The following SFXN1 variants were observed in gnomAD, a reference collection of about 807,000 sequenced individuals.
SFXN1 encodes sideroflexin 1, also known as sideroflexin-1.
SFXN1 carries 32 observed loss-of-function variants against 39.5 expected under a neutral mutation model. That is an observed-to-expected ratio of 0.81 (90% confidence interval 0.61 to 1.09). The LOEUF (loss-of-function observed/expected upper bound fraction) is 1.09. Ranked by LOEUF, SFXN1 falls within the 50% of genes least tolerant of loss-of-function variation. SFXN1 has a pLI of 0.00. For synonymous variants in SFXN1, 136 were observed against 146.5 expected (o/e 0.93, Z 0.52); for missense variants, 402 against 407.1 (o/e 0.99, Z 0.11).
intron 2 of SFXN1, among the ~76,000 whole-genome samples, chr5:175,492,856 G>A (rs546268246): frequency 5.9e-5 from 9 of 152,262 alleles, no homozygotes; most frequent in African/African-American, 2.2e-4. Context: ...CACTTTTTCT[G>A]TAAAAGATCA....
intron 1 of SFXN1, among the ~76,000 whole-genome samples, chr5:175,485,506 GC>G (rs2113261014): frequency 6.6e-6 from 1 of 152,274 alleles, no homozygotes; most frequent in African/African-American, 2.4e-5. Flanking sequence ...CTTATAGGGA[GC>G]CTTGTGATGA....
chr5:175,528,204 C>T lies in SFXN1; in HGVS notation c.*1470C>T, dbSNP rs560486726. ...GATTACAAGCGTGAGCCACCGCACCCGGCCTGAAAATATTTTCTAAAAAGA... is the reference window on the plus strand; with the variant it reads ...GATTACAAGCGTGAGCCACCGCACCTGGCCTGAAAATATTTTCTAAAAAGA... On this transcript the variant is annotated 3_prime_UTR_variant, in exon 11 of 11. Transcript: ENST00000321442. 2 of 151,960 alleles carry T rather than the reference C, an allele frequency of 1.3e-5. No individual in the cohort carries two copies. Among genetic ancestry groups the T allele is most frequent in the Non-Finnish European group, 1.5e-5 (1 of 68,000 alleles). 9.4% of individuals were successfully genotyped at this position (151,960 alleles called of 1,614,324 possible).
chr5:175,529,518 TAC>T lies in SFXN1; in HGVS notation c.*2785_*2786del. ...GCAATCCTTGCCGATCTTTTAGAAA[TAC>T]CTTTTCTGGAGAAAAAAAAATCCAC... On this transcript the variant is annotated 3_prime_UTR_variant, in exon 11 of 11. Coordinates refer to ENST00000321442, the MANE Select transcript of SFXN1 (RefSeq NM_022754.7). The T allele has an allele frequency of 6.7e-6, 1 of 148,250 alleles. No individual in the cohort carries two copies. The highest frequency in any genetic ancestry group is 1.5e-5 in the Non-Finnish European group (1 of 66,602). 9.2% of individuals were successfully genotyped at this position (148,250 alleles called of 1,614,324 possible). A position where few individuals can be genotyped will look rare whatever the true frequency, so the allele number is the denominator to read the frequency against.
At chr5:175,497,530 TA>T (rs1396329998) in intron 2 of SFXN1, among the ~76,000 whole-genome samples, 38 of 152,294 alleles carry the variant, frequency 2.5e-4, no homozygotes, top group African/African-American at 8.7e-4. Flanking sequence ...TTGATATTGA[TA>T]AAGATATAGT....
intron 2 of SFXN1, among the ~76,000 whole-genome samples, chr5:175,502,422 A>G (rs903030780): frequency 1.3e-5 from 2 of 152,242 alleles, no homozygotes; most frequent in Admixed American, 1.3e-4. Flanking sequence ...CCAGGAATGA[A>G]AAAGGACAGC....
intron 2 of SFXN1, among the ~76,000 whole-genome samples, chr5:175,498,676 C>A (rs1463921924): frequency 1.3e-5 from 2 of 151,986 alleles, no homozygotes; most frequent in African/African-American, 4.8e-5. Flanking sequence ...AAGAAAGCTA[C>A]CTAACAGAGA....
chr5:175,521,561 G>A (rs987234133), intron 8 of SFXN1, among the ~76,000 whole-genome samples: 3 of 152,206 alleles, frequency 2.0e-5, no homozygotes, highest in Non-Finnish European at 2.9e-5. Context: ...ACCAGAAGGC[G>A]GGAGACTTGA....
intron 1 of SFXN1, among the ~76,000 whole-genome samples, chr5:175,483,121 C>T (rs1255426671): frequency 6.6e-6 from 1 of 152,176 alleles, no homozygotes. Flanking sequence ...TGAATTTAAA[C>T]AGTTTTTAAT....
intron 2 of SFXN1, among the ~76,000 whole-genome samples, chr5:175,506,286 G>A (rs547183519): frequency 6.6e-6 from 1 of 152,090 alleles, no homozygotes; most frequent in Non-Finnish European, 1.5e-5. Context: ...CAGGACAGCA[G>A]ATAACACAAC....
At chr5:175,485,267 A>G (rs185550760) in intron 1 of SFXN1, among the ~76,000 whole-genome samples, 56 of 152,350 alleles carry the variant, frequency 3.7e-4, no homozygotes, top group African/African-American at 1.3e-3. Flanking sequence ...GTTATAACAA[A>G]TTACTACATA....
rs1761137782 is a variant in SFXN1, at chr5:175,528,369, C to G, written c.*1635C>G. The G allele has an allele frequency of 6.6e-6, 1 of 151,882 alleles. No individual in the cohort carries two copies. The highest frequency in any genetic ancestry group is 2.4e-5 in the African/African-American group (1 of 41,284). 9.4% of individuals were successfully genotyped at this position (151,882 alleles called of 1,614,324 possible). A position where few individuals can be genotyped will look rare whatever the true frequency, so the allele number is the denominator to read the frequency against. ...TTAGCAAGTATACAGGAGGATGTGC[C>G]TAGGTTATATGCAAATACTGTGCCA... On this transcript the variant is annotated 3_prime_UTR_variant, in exon 11 of 11. Coordinates refer to ENST00000321442, the MANE Select transcript of SFXN1 (RefSeq NM_022754.7).
intron 1 of SFXN1, among the ~76,000 whole-genome samples, chr5:175,489,291 G>A (rs942855160): frequency 2.0e-5 from 3 of 152,168 alleles, no homozygotes; most frequent in Non-Finnish European, 2.9e-5. Flanking sequence ...GTATGATTAC[G>A]TGTGACTTCT....
rs1414665323 is a variant in SFXN1, at chr5:175,527,948, C to G, written c.*1214C>G. On this transcript the variant is annotated 3_prime_UTR_variant, in exon 11 of 11. Coordinates refer to ENST00000321442, the MANE Select transcript of SFXN1 (RefSeq NM_022754.7). ...TTTTTTTTTTTTTTTGAGACGGAGTCTCGCTCTGTCACCCAGGCTGGAGTG... is the reference window on the plus strand; with the variant it reads ...TTTTTTTTTTTTTTTGAGACGGAGTGTCGCTCTGTCACCCAGGCTGGAGTG... 7.9e-6 allele frequency: 1 copy of G among 127,132 alleles called. No individual in the cohort carries two copies. The highest frequency in any genetic ancestry group is 1.5e-5 in the Non-Finnish European group (1 of 64,670). The allele number at this position is 127,132 out of a possible 1,614,324, so 7.9% of individuals were successfully genotyped here. A position where few individuals can be genotyped will look rare whatever the true frequency, so the allele number is the denominator to read the frequency against.
intron 8 of SFXN1, among the ~76,000 whole-genome samples, chr5:175,520,018 T>C (rs1055222602): frequency 2.5e-4 from 38 of 151,764 alleles, no homozygotes; most frequent in African/African-American, 9.2e-4. Context: ...TACAGGCATG[T>C]ACCACCATGC....
At chr5:175,506,650 C>T (rs1190735566) in intron 2 of SFXN1, among the ~76,000 whole-genome samples, 1 of 152,038 alleles carries the variant, frequency 6.6e-6, no homozygotes, top group Non-Finnish European at 1.5e-5. Context: ...CTATACAGTA[C>T]TTAAAAAGTT....
At chr5:175,513,197 G>T (rs1561671373) in intron 6 of SFXN1, among the ~76,000 whole-genome samples, 1 of 151,448 alleles carries the variant, frequency 6.6e-6, no homozygotes, top group African/African-American at 2.4e-5. Flanking sequence ...CTACTCGGGA[G>T]GCTGAGGCAG....
chr5:175,513,832 G>T, intron 7 of SFXN1: 1 of 384,392 alleles, frequency 2.6e-6, no homozygotes, highest in Non-Finnish European at 4.9e-6. Flanking sequence ...TGGAGGTGTG[G>T]GAGTGAGCCA....
chr5:175,482,267 C>T (rs570387908), intron 1 of SFXN1, among the ~76,000 whole-genome samples: 119 of 152,266 alleles, frequency 7.8e-4, no homozygotes, highest in Middle Eastern at 3.4e-3. Context: ...TTTCAAAATA[C>T]GGTAGTTTTG....
chr5:175,510,088 T>G, intron 3 of SFXN1, 21 bp from the exon 4 acceptor site: 1 of 1,600,486 alleles, frequency 6.2e-7, no homozygotes, highest in Non-Finnish European at 8.5e-7. Context: ...GGTGGGTATG[T>G]GACGGATGCC....
Sources: allele counts gnomAD v4.1 joint callset (sites outside exome capture counted in the v4.1 genomes callset), GRCh38; gene constraint gnomAD v4.1.1; transcripts MANE v1.5; gene names NCBI Gene and HGNC (gene_info 2026-07-23, HGNC 2026-07-21).